Variants in NELL2 observed in about 807,000 individuals in gnomAD.
The protein encoded by NELL2 is protein kinase C-binding protein NELL2.
In NELL2, 41 loss-of-function variants were observed where a neutral mutation model predicts 109.6. The observed-to-expected ratio is 0.37, with a 90% CI of 0.29 to 0.49. The LOEUF is 0.49. Among genes scored for constraint, NELL2 ranks in the 20% least tolerant of loss-of-function variants. The pLI is 0.98. For synonymous variants in NELL2, 355 were observed against 344.7 expected, an observed-to-expected ratio of 1.03 and a Z score of -0.33; for missense variants, 900 against 1,008.3, an observed-to-expected ratio of 0.89 and a Z score of 1.45.
At chr12:44,911,950 CCTAAAA>C (rs1038508714) in intron 1 of NELL2, among the ~76,000 whole-genome samples, 10 of 150,298 alleles carry the variant, frequency 6.7e-5, no homozygotes, top group African/African-American at 2.4e-4. Context: ...GCACATGTAC[CCTAAAA>C]CTTAAAGTAT....
chr12:44,673,336 A>G (rs1267960326), intron 12 of NELL2, among the ~76,000 whole-genome samples: 2 of 152,212 alleles, frequency 1.3e-5, no homozygotes, highest in Non-Finnish European at 2.9e-5. Flanking sequence ...ATCCCAATTC[A>G]AAAACCTAAT....
chr12:44,799,797 T>C (rs1228385252), intron 3 of NELL2, among the ~76,000 whole-genome samples: 1 of 152,122 alleles, frequency 6.6e-6, no homozygotes, highest in African/African-American at 2.4e-5. Context: ...TCACCCTACT[T>C]TAATTGAAAG....
At chr12:44,734,160 A>G (rs1939517549) in intron 9 of NELL2, among the ~76,000 whole-genome samples, 2 of 151,944 alleles carry the variant, frequency 1.3e-5, no homozygotes, top group South Asian at 4.1e-4. Flanking sequence ...ATCTATTTTG[A>G]GGCTATATTA....
intron 12 of NELL2, among the ~76,000 whole-genome samples, chr12:44,699,137 T>G (rs573095011): frequency 1.1e-4 from 17 of 152,146 alleles, no homozygotes; most frequent in Non-Finnish European, 2.4e-4. Flanking sequence ...CAACATAATT[T>G]TTGACAACTT....
intron 1 of NELL2, among the ~76,000 whole-genome samples, chr12:44,883,043 G>C (rs931487259): frequency 2.0e-5 from 3 of 149,084 alleles, no homozygotes; most frequent in African/African-American, 7.5e-5. Context: ...GTAGAGCCAG[G>C]GTGTTATGTT....
rs186183940 is a variant in NELL2, at chr12:44,798,265, A to T, written c.335+17721T>A. ...CTATAAGGTATAAGAATTTGAAATA[A>T]ATATCACTATTTTTATTGGTGGACA... On this transcript the variant is annotated intron_variant, in intron 3 of 19. Coordinates refer to ENST00000429094, the MANE Select transcript of NELL2 (RefSeq NM_001145108.2). 5.3e-3 allele frequency among the ~76,000 whole-genome samples: 805 copies of T among 152,024 alleles called. 7 individuals are homozygous for T. The highest frequency in any genetic ancestry group is 0.018 in the African/African-American group (763 of 41,532).
intron 9 of NELL2, among the ~76,000 whole-genome samples, chr12:44,757,075 C>T (rs1283015576): frequency 6.6e-6 from 1 of 152,164 alleles, no homozygotes; most frequent in African/African-American, 2.4e-5. Flanking sequence ...GTATAATCAT[C>T]ATAGCCATCC....
intron 3 of NELL2, among the ~76,000 whole-genome samples, chr12:44,785,795 A>G (rs1176013983): frequency 6.6e-6 from 1 of 152,214 alleles, no homozygotes; most frequent in Non-Finnish European, 1.5e-5. Flanking sequence ...TCCCTATTTA[A>G]TAAATGGTGC....
At chr12:44,828,072 A>G (rs1346236943) in intron 2 of NELL2, among the ~76,000 whole-genome samples, 1 of 152,180 alleles carries the variant, frequency 6.6e-6, no homozygotes, top group Non-Finnish European at 1.5e-5. Flanking sequence ...AATGATGTTG[A>G]GCACTTTTTC....
At chr12:44,601,592 A>T (rs1945224059) in intron 15 of NELL2, among the ~76,000 whole-genome samples, 1 of 152,130 alleles carries the variant, frequency 6.6e-6, no homozygotes, top group Non-Finnish European at 1.5e-5. Flanking sequence ...ATCTCAGGGC[A>T]TCTCCAGCTA....
chr12:44,625,081 T>C (rs1946204487), intron 13 of NELL2, among the ~76,000 whole-genome samples: 1 of 149,170 alleles, frequency 6.7e-6, no homozygotes, highest in African/African-American at 2.4e-5. Context: ...ATGTTAATTA[T>C]AGATTTATTT....
At chr12:44,574,448 A>G (rs1354129974) in intron 15 of NELL2, among the ~76,000 whole-genome samples, 1 of 152,182 alleles carries the variant, frequency 6.6e-6, no homozygotes, top group Non-Finnish European at 1.5e-5. Flanking sequence ...CTTAAATTTA[A>G]AAATGCAGTG....
rs1476544254 is a variant in NELL2 at position 44,522,059 on chromosome 12, C to T, written c.2116G>A (p.Glu706Lys). The T allele has an allele frequency of 6.2e-7, 1 of 1,614,122 alleles. No homozygotes were observed. The highest frequency in any genetic ancestry group is 8.5e-7 in the Non-Finnish European group (1 of 1,180,008). The change falls in exon 18 of 20, where the codon GAA (glutamate) becomes AAA (lysine). Residue 706 changes from glutamate to lysine, a missense_variant. By Grantham distance (56) the Glu-to-Lys change is moderately conservative (BLOSUM62 1). This residue lies in a region of NELL2 where 333 missense variants were observed against 432.3 expected (regional missense o/e 0.77). Transcript: ENST00000429094. ...LSSQCLHQNG[E>K]TLYNSGDTWV... ...GTGTCACCACTGTTATACAAAGTTT[C>T]CCCATTTTGATGGAGGCACTGACTA... is the stretch of plus-strand genomic sequence containing the variant.
chr12:44,702,959 T>C (rs1937641055), intron 12 of NELL2, among the ~76,000 whole-genome samples: 1 of 152,152 alleles, frequency 6.6e-6, no homozygotes, highest in Non-Finnish European at 1.5e-5. Flanking sequence ...TCATGTGGAG[T>C]GGGTAAGTTT....
chr12:44,639,216 T>C (rs1946756066), intron 13 of NELL2, among the ~76,000 whole-genome samples: 1 of 152,114 alleles, frequency 6.6e-6, no homozygotes, highest in African/African-American at 2.4e-5. Context: ...CCCACAAAAG[T>C]ATTAGGTATG....
intron 9 of NELL2, among the ~76,000 whole-genome samples, chr12:44,738,216 C>CA (rs1939755343): frequency 6.6e-6 from 1 of 152,092 alleles, no homozygotes; most frequent in Non-Finnish European, 1.5e-5. Context: ...ATATCTCAAA[C>CA]AAGTAACCAA....
intron 15 of NELL2, among the ~76,000 whole-genome samples, chr12:44,546,198 T>C (rs1177111814): frequency 2.6e-5 from 4 of 152,106 alleles, no homozygotes; most frequent in Admixed American, 1.3e-4. Flanking sequence ...CTGCTTTGAG[T>C]GAAACTGGCT....
At chr12:44,596,974 G>T (rs1182718792) in intron 15 of NELL2, among the ~76,000 whole-genome samples, 2 of 152,178 alleles carry the variant, frequency 1.3e-5, no homozygotes, top group Non-Finnish European at 2.9e-5. Context: ...ATAGCAAGAA[G>T]AATTTTAGAT....
chr12:44,553,421 C>T (rs952815191), intron 15 of NELL2, among the ~76,000 whole-genome samples: 5 of 152,082 alleles, frequency 3.3e-5, no homozygotes, highest in Admixed American at 2.6e-4. Flanking sequence ...TTCATATCTA[C>T]AGCCAAGCAA....
Sources: allele counts gnomAD v4.1 joint callset (sites outside exome capture counted in the v4.1 genomes callset), GRCh38; gene constraint gnomAD v4.1.1; regional missense constraint gnomAD v4.1.1; transcripts MANE v1.5; gene names NCBI Gene and HGNC (gene_info 2026-07-23, HGNC 2026-07-21).